ADCY8: variants seen among roughly 807,000 people sequenced by gnomAD.
ADCY8 encodes adenylate cyclase type 8.
In ADCY8, 51 loss-of-function variants were observed where a neutral mutation model predicts 119.7. That is an observed-to-expected ratio of 0.43 (90% CI 0.34 to 0.54). ADCY8 has a LOEUF of 0.54. ADCY8 is among the 20% of genes least tolerant of loss of function. ADCY8 has a pLI of 0.03. For synonymous variants in ADCY8, 665 were observed against 651.0 expected (o/e 1.02, Z -0.33); for missense variants, 1,383 against 1,598.8 (o/e 0.87, Z 2.30).
intron 5 of ADCY8, among the ~76,000 whole-genome samples, chr8:130,932,985 C>G (rs1384257336): frequency 6.6e-6 from 1 of 152,148 alleles, no homozygotes; most frequent in Non-Finnish European, 1.5e-5. Flanking sequence ...TTGTTAGGTA[C>G]AGTGACTAAA....
At chr8:130,929,683 C>T (rs1820574759) in intron 5 of ADCY8, among the ~76,000 whole-genome samples, 1 of 152,096 alleles carries the variant, frequency 6.6e-6, no homozygotes, top group Non-Finnish European at 1.5e-5. Flanking sequence ...TCTGATGTTT[C>T]CTTATTGATT....
At chr8:130,916,381 A>G (rs7812946) in intron 5 of ADCY8, among the ~76,000 whole-genome samples, 109,676 of 152,082 alleles carry the variant, frequency 0.72, 40,281 homozygotes, top group African/African-American at 0.86. Flanking sequence ...GGTGGCCATG[A>G]AGCCCAACTT....
At chr8:130,863,154 G>A (rs775305787) in intron 9 of ADCY8, among the ~76,000 whole-genome samples, 9 of 151,946 alleles carry the variant, frequency 5.9e-5, no homozygotes, top group Admixed American at 4.6e-4. Context: ...ACATTCTCTT[G>A]TTAGGCACAT....
chr8:130,985,965 A>G (rs755471183), intron 2 of ADCY8, among the ~76,000 whole-genome samples: 3 of 152,252 alleles, frequency 2.0e-5, no homozygotes, highest in Non-Finnish European at 4.4e-5. Context: ...TCGAAATGCC[A>G]TGATTACCAT....
intron 15 of ADCY8, among the ~76,000 whole-genome samples, chr8:130,789,720 T>C (rs1213383346): frequency 6.6e-6 from 1 of 152,210 alleles, no homozygotes; most frequent in Non-Finnish European, 1.5e-5. Context: ...AGAACAGAAT[T>C]TGAATCTTGA....
chr8:130,832,335 G>A (rs572112907), intron 12 of ADCY8, among the ~76,000 whole-genome samples: 6 of 152,224 alleles, frequency 3.9e-5, no homozygotes, highest in East Asian at 1.9e-4. Context: ...ATGAAGATGC[G>A]GCCAGGTTGT....
At chr8:130,931,649 C>A (rs978018535) in intron 5 of ADCY8, among the ~76,000 whole-genome samples, 27 of 151,872 alleles carry the variant, frequency 1.8e-4, no homozygotes, top group African/African-American at 6.5e-4. Context: ...CTTTTTTCTT[C>A]TTTGACTGTA....
At chr8:130,798,624 C>A (rs1815663243) in intron 15 of ADCY8, among the ~76,000 whole-genome samples, 1 of 152,218 alleles carries the variant, frequency 6.6e-6, no homozygotes, top group Admixed American at 6.5e-5. Context: ...TGACAAAATT[C>A]TCCTGCCTTT....
chr8:131,032,371 G>A (rs1351659448), intron 1 of ADCY8, among the ~76,000 whole-genome samples: 1 of 152,098 alleles, frequency 6.6e-6, no homozygotes, highest in Non-Finnish European at 1.5e-5. Flanking sequence ...AAAGTACAAA[G>A]TATTTCATAT....
chr8:131,011,808 A>T (rs1823314975), intron 1 of ADCY8, among the ~76,000 whole-genome samples: 1 of 152,128 alleles, frequency 6.6e-6, no homozygotes. Context: ...ACCCCCCAGA[A>T]GCTGATGCCC....
chr8:130,894,005 G>T (rs1183597440), intron 7 of ADCY8, among the ~76,000 whole-genome samples: 2 of 152,202 alleles, frequency 1.3e-5, no homozygotes, highest in East Asian at 3.9e-4. Context: ...AATTTAGGCA[G>T]ATGAAAAACT....
At chr8:130,971,765 G>T (rs1417827274) in intron 2 of ADCY8, among the ~76,000 whole-genome samples, 1 of 152,118 alleles carries the variant, frequency 6.6e-6, no homozygotes, top group Admixed American at 6.5e-5. Flanking sequence ...GAGTGACAAT[G>T]GTTTTAAGTA....
At chr8:130,964,615 TG>T (rs919729886) in intron 2 of ADCY8, among the ~76,000 whole-genome samples, 39 of 152,202 alleles carry the variant, frequency 2.6e-4, no homozygotes, top group African/African-American at 9.4e-4. Context: ...TATAAAAATC[TG>T]GAAGTCACTC....
chr8:130,879,775 A>T (rs921960105), intron 8 of ADCY8, among the ~76,000 whole-genome samples: 1 of 152,182 alleles, frequency 6.6e-6, no homozygotes, highest in South Asian at 2.1e-4. Flanking sequence ...AATAATGAGG[A>T]AAAAAGCTCA....
intron 1 of ADCY8, among the ~76,000 whole-genome samples, chr8:131,001,219 G>A (rs1822935730): frequency 6.6e-6 from 1 of 152,220 alleles, no homozygotes; most frequent in South Asian, 2.1e-4. Context: ...CTGAGGACGA[G>A]GAGTGAGGGA....
At chr8:130,971,817 T>C (rs1821931443) in intron 2 of ADCY8, among the ~76,000 whole-genome samples, 1 of 152,210 alleles carries the variant, frequency 6.6e-6, no homozygotes, top group Admixed American at 6.5e-5. Context: ...ATGACAAAGA[T>C]GATGTATTCA....
intron 1 of ADCY8, among the ~76,000 whole-genome samples, chr8:131,006,988 A>T (rs1823139702): frequency 6.6e-6 from 1 of 152,210 alleles, no homozygotes; most frequent in Non-Finnish European, 1.5e-5. Flanking sequence ...AGAAGAGAGG[A>T]AAAAGATATC....
intron 15 of ADCY8, among the ~76,000 whole-genome samples, chr8:130,799,543 C>T (rs1237111131): frequency 1.3e-5 from 2 of 152,162 alleles, no homozygotes; most frequent in African/African-American, 2.4e-5. Context: ...TCCAAAATGC[C>T]ATGAGTGCTG....
intron 1 of ADCY8, among the ~76,000 whole-genome samples, chr8:131,038,719 T>C (rs1205566167): frequency 6.6e-6 from 1 of 152,158 alleles, no homozygotes; most frequent in Non-Finnish European, 1.5e-5. Context: ...ATTACTGAGG[T>C]TGGTTTATTC....
Sources: gnomAD v4.1 joint callset for allele counts (sites outside exome capture counted in the v4.1 genomes callset) on GRCh38, gnomAD v4.1.1 for gene constraint, MANE v1.5 for transcripts, NCBI Gene and HGNC (gene_info 2026-07-23, HGNC 2026-07-21) for gene names.